The following KLHL26 variants were observed in gnomAD, a reference collection of about 807,000 sequenced individuals.
KLHL26 encodes kelch like family member 26, also known as kelch-like protein 26.
In KLHL26, 4 loss-of-function variants were observed where a neutral mutation model predicts 7.1. That is an observed-to-expected ratio of 0.56 (90% confidence interval 0.28 to 1.28). KLHL26 has a LOEUF of 1.28. Among genes scored for constraint, KLHL26 ranks in the 50% most tolerant of loss-of-function variants. The pLI is 0.11. For missense variants in KLHL26, 896 were observed against 924.6 expected, an observed-to-expected ratio of 0.97 and a Z score of 0.40; for synonymous variants, 465 against 414.1, an observed-to-expected ratio of 1.12 and a Z score of -1.49.
chr19:18,664,300 G>A lies in KLHL26; in HGVS notation c.123G>A (p.Ser41=), dbSNP rs371955293. The change falls in exon 2 of 3, where the codon TCG becomes TCA. Residue 41 remains serine (S), a synonymous_variant. Transcript: ENST00000300976. ...DKNGALKCTF[S]APSHSTSLLQ... ...ACGGGGCCCTCAAGTGCACCTTCTC[G>A]GCACCCAGCCACAGCACCAGCCTCC... is the stretch of plus-strand genomic sequence containing the variant. 176 of 1,607,580 alleles carry A rather than the reference G, an allele frequency of 1.1e-4. No homozygotes were observed. Among genetic ancestry groups the A allele is most frequent in the Non-Finnish European group, 1.4e-4 (160 of 1,178,910 alleles).
chr19:18,660,306 A>G (rs2052379398), intron 1 of KLHL26, among the ~76,000 whole-genome samples: 1 of 152,206 alleles, frequency 6.6e-6, no homozygotes, highest in Admixed American at 6.5e-5. Flanking sequence ...AGCCCGGGCC[A>G]GGCCTGTAGC....
At chr19:18,659,568 A>T (rs1029821166) in intron 1 of KLHL26, 1 of 152,140 alleles carries the variant, frequency 6.6e-6, no homozygotes, top group Non-Finnish European at 1.5e-5. Flanking sequence ...TTCTGGCCCG[A>T]GCGCTGGGCT....
intron 1 of KLHL26, among the ~76,000 whole-genome samples, chr19:18,638,542 G>A (rs890066480): frequency 3.3e-5 from 5 of 152,198 alleles, no homozygotes; most frequent in African/African-American, 9.7e-5. Flanking sequence ...AGGGAGCCAG[G>A]AGATGTCAGA....
Position 18,664,277 on chromosome 19 carries a change from G to A in KLHL26, c.100G>A (p.Gly34Arg), listed in dbSNP as rs562175412. Reference protein sequence around the residue: ...ERPNSTADKNGALKCTFSAPS... With the variant: ...ERPNSTADKNRALKCTFSAPS... ...TCCCCGCAGCACGGCCGACAAGAAC[G>A]GGGCCCTCAAGTGCACCTTCTCGGC... The change falls in exon 2 of 3, where the codon GGG becomes AGG. Residue 34 changes from glycine to arginine, a missense_variant. Coordinates refer to ENST00000300976, the MANE Select transcript of KLHL26 (RefSeq NM_018316.3). 17 of 1,602,572 alleles carry A rather than the reference G, an allele frequency of 1.1e-5. No individual in the cohort carries two copies. The highest frequency in any genetic ancestry group is 4.5e-5 in the East Asian group (2 of 44,752).
At chr19:18,644,467 C>T (rs1454417715) in intron 1 of KLHL26, among the ~76,000 whole-genome samples, 1 of 152,144 alleles carries the variant, frequency 6.6e-6, no homozygotes, top group Non-Finnish European at 1.5e-5. Context: ...CTTGATCATG[C>T]TGGTCACCAC....
chr19:18,637,596 T>C (rs887394536), intron 1 of KLHL26, among the ~76,000 whole-genome samples: 2 of 149,180 alleles, frequency 1.3e-5, no homozygotes, highest in African/African-American at 2.5e-5. Context: ...TGGCTAAAGG[T>C]GGTCCTGAGA....
chr19:18,660,688 T>C (rs1309407011), intron 1 of KLHL26, among the ~76,000 whole-genome samples: 1 of 152,152 alleles, frequency 6.6e-6, no homozygotes, highest in Non-Finnish European at 1.5e-5. Context: ...GCTGGGGGAC[T>C]CCTGCCCCTC....
chr19:18,661,857 T>C (rs1355285657), intron 1 of KLHL26, among the ~76,000 whole-genome samples: 1 of 151,970 alleles, frequency 6.6e-6, no homozygotes, highest in Non-Finnish European at 1.5e-5. Flanking sequence ...TAGCCAGCTC[T>C]GCTTGCTTTC....
intron 1 of KLHL26, among the ~76,000 whole-genome samples, chr19:18,644,000 C>T (rs781449823): frequency 6.6e-6 from 1 of 152,186 alleles, no homozygotes; most frequent in Non-Finnish European, 1.5e-5. Context: ...ATTGTGCAAC[C>T]ATCACTGCTG....
In KLHL26 at chr19:18,648,599, CAGCCCTTCCTGTGTTCCAGAAA is replaced by C. The variant is rs1258931155; in HGVS notation, c.83+11471_83+11492del. Among the ~76,000 whole-genome samples, 3 of 152,204 alleles carry C rather than the reference CAGCCCTTCCTGTGTTCCAGAAA, an allele frequency of 2.0e-5. No homozygotes were observed. The highest frequency in any genetic ancestry group is 4.4e-5 in the Non-Finnish European group (3 of 68,032). The stretch of plus-strand genomic sequence containing the variant: ...GGCGCCACCTGGCCTAGGGGATTCG[CAGCCCTTCCTGTGTTCCAGAAA>C]AGCCCTTCATGCCTCTCCTTGCTCA... On this transcript the variant is annotated intron_variant, in intron 1 of 2. Transcript: ENST00000300976. This position sits in a 1 kb window ranked among gnomAD's most constrained non-coding sequence, Gnocchi z 4.9.
At chr19:18,637,482 AG>A (rs894181974) in intron 1 of KLHL26, among the ~76,000 whole-genome samples, 2 of 151,906 alleles carry the variant, frequency 1.3e-5, no homozygotes, top group Middle Eastern at 6.8e-3. Flanking sequence ...GGGCCTGAGC[AG>A]GGGCCATGCC....
chr19:18,663,648 C>T (rs2052413847), intron 1 of KLHL26, among the ~76,000 whole-genome samples: 1 of 152,128 alleles, frequency 6.6e-6, no homozygotes, highest in Non-Finnish European at 1.5e-5. Context: ...CTGGAGGTGG[C>T]ACCAGGGTCC....
intron 1 of KLHL26, 48 bp from the exon 2 acceptor site, chr19:18,664,213 G>A (rs761244970): frequency 2.6e-6 from 4 of 1,510,060 alleles, no homozygotes; most frequent in Non-Finnish European, 2.7e-6. Flanking sequence ...AGGTAATAGT[G>A]TGTGTGTGAA....
At chr19:18,654,427 C>G (rs2052305012) in intron 1 of KLHL26, among the ~76,000 whole-genome samples, 1 of 150,058 alleles carries the variant, frequency 6.7e-6, no homozygotes, top group Admixed American at 6.6e-5. Context: ...TCACCTATCA[C>G]TATCCATCCA....
At chr19:18,660,260 G>A (rs2052378700) in intron 1 of KLHL26, among the ~76,000 whole-genome samples, 1 of 152,196 alleles carries the variant, frequency 6.6e-6, no homozygotes, top group Admixed American at 6.5e-5. Context: ...CATTGCTGGG[G>A]GGATACAGCG....
In KLHL26 at chr19:18,637,544, TA is replaced by T. The variant is rs1349722317; in HGVS notation, c.83+409del. Reference sequence around the variant, plus strand: ...GTCTTGGGGGCTCTGAGGAAGGGGCTAAGGCCCAAGGCATCCTGGGAGGTGC... The same window carrying T: ...GTCTTGGGGGCTCTGAGGAAGGGGCTAGGCCCAAGGCATCCTGGGAGGTGC... On this transcript the variant is annotated intron_variant, in intron 1 of 2. Transcript: ENST00000300976. Among the ~76,000 whole-genome samples, 4 of 151,884 alleles carry T rather than the reference TA, an allele frequency of 2.6e-5. No individual in the cohort carries two copies. In the East Asian group the frequency reaches 7.8e-4, roughly 29 times the overall value.
intron 1 of KLHL26, among the ~76,000 whole-genome samples, chr19:18,642,991 G>A (rs1976741917): frequency 1.3e-5 from 2 of 151,648 alleles, no homozygotes; most frequent in African/African-American, 2.4e-5. Context: ...ACGCCACCAC[G>A]CCCAAATAAT....
intron 1 of KLHL26, among the ~76,000 whole-genome samples, chr19:18,661,680 A>G (rs2052393131): frequency 6.6e-6 from 1 of 151,568 alleles, no homozygotes; most frequent in African/African-American, 2.4e-5. Context: ...TGGCCCCTAG[A>G]GATTGTATTT....
intron 1 of KLHL26, among the ~76,000 whole-genome samples, chr19:18,655,354 G>C (rs1206157329): frequency 6.6e-6 from 1 of 152,214 alleles, no homozygotes; most frequent in African/African-American, 2.4e-5. Context: ...CCCCATCTGT[G>C]TGATGGTCAC....
Sources: allele counts gnomAD v4.1 joint callset (sites outside exome capture counted in the v4.1 genomes callset), GRCh38; gene constraint gnomAD v4.1.1; non-coding constraint Gnocchi (gnomAD v3.1); transcripts MANE v1.5; gene names NCBI Gene and HGNC (gene_info 2026-07-23, HGNC 2026-07-21).